The following PRELID2 variants were observed in gnomAD, a reference collection of about 807,000 sequenced individuals.
PRELID2 encodes PRELI domain-containing protein 2.
In PRELID2, 25 loss-of-function variants were observed where a neutral mutation model predicts 28.4. The ratio of observed to expected loss-of-function variants is 0.88; its 90% confidence interval spans 0.64 to 1.23. The LOEUF is 1.23. Ranked by LOEUF, PRELID2 falls within the 50% of genes most tolerant of loss-of-function variation. The pLI, the probability that PRELID2 is intolerant of heterozygous loss-of-function variation, is 0.00. For synonymous variants in PRELID2, 76 were observed against 71.6 expected, an observed-to-expected ratio of 1.06 and a Z score of -0.31; for missense variants, 201 against 214.4, an observed-to-expected ratio of 0.94 and a Z score of 0.39.
intron 1 of PRELID2, among the ~76,000 whole-genome samples, chr5:145,524,613 AAAGCTGATGTGTTTGAT>A (rs1292309317): frequency 6.6e-6 from 1 of 152,200 alleles, no homozygotes; most frequent in African/African-American, 2.4e-5. Flanking sequence ...TGGAAGCTCA[AAAGCTGATGTGTTTGAT>A]AAGCTGATGT....
In PRELID2 at chr5:145,819,969, G is replaced by T; in HGVS notation, c.183C>A (p.Asn61Lys). The change falls in exon 3 of 7, where the codon AAC becomes AAA. Residue 61 changes from asparagine (N) to lysine (K), a missense_variant. Coordinates refer to ENST00000683046, the MANE Select transcript of PRELID2 (RefSeq NM_205846.3). Reference sequence around the variant, plus strand: ...CCTTCCTTAAAATTTCTGGAACCACGTTCTGACAGATTGCAATCCTCTTTC... The same window carrying T: ...CCTTCCTTAAAATTTCTGGAACCACTTTCTGACAGATTGCAATCCTCTTTC... ...IYRKRIAICQ[N>K]VVPEILRKVS... 6.2e-7 allele frequency: 1 copy of T among 1,606,988 alleles called. No individual in the cohort carries two copies. The highest frequency in any genetic ancestry group is 1.7e-4 in the Middle Eastern group (1 of 6,040).
the PRELID2 span, among the ~76,000 whole-genome samples, chr5:145,350,405 T>C: frequency 3.9e-5 from 6 of 152,060 alleles, no homozygotes; most frequent in African/African-American, 1.4e-4. Flanking sequence ...GCTCCAAGTT[T>C]CAAAATCACA....
intron 1 of PRELID2, among the ~76,000 whole-genome samples, chr5:145,827,611 T>A (rs549469983): frequency 6.6e-6 from 1 of 152,166 alleles, no homozygotes; most frequent in African/African-American, 2.4e-5. Context: ...AATGACCCAA[T>A]AATCAGCAAC....
chr5:145,252,810 C>T, the PRELID2 span, among the ~76,000 whole-genome samples: 26 of 152,054 alleles, frequency 1.7e-4, no homozygotes, highest in Non-Finnish European at 3.4e-4. Flanking sequence ...CATGTGAACA[C>T]ACTTAATGCC....
chr5:145,713,314 T>C (rs936170029), intron 1 of PRELID2, among the ~76,000 whole-genome samples: 11 of 142,972 alleles, frequency 7.7e-5, no homozygotes, highest in African/African-American at 2.3e-4. Context: ...AAGGGGAACA[T>C]TGCATACAAG....
the PRELID2 span, among the ~76,000 whole-genome samples, chr5:145,438,145 T>C: frequency 1.3e-5 from 2 of 152,010 alleles, no homozygotes. Context: ...ATTCTGCCTA[T>C]CAGAAAAAAA....
the PRELID2 span, among the ~76,000 whole-genome samples, chr5:145,246,328 A>G: frequency 3.3e-5 from 5 of 152,132 alleles, no homozygotes; most frequent in Non-Finnish European, 5.9e-5. Context: ...ATACATTTTT[A>G]TTAAGTACCG....
At chr5:145,451,072 T>C in the PRELID2 span, 3 of 152,302 alleles carry the variant, frequency 2.0e-5, no homozygotes, top group African/African-American at 7.2e-5. Flanking sequence ...CTTATAATCA[T>C]TTCTTAATAT....
At chr5:145,768,606 G>A (rs1757917794) in intron 5 of PRELID2, among the ~76,000 whole-genome samples, 1 of 152,184 alleles carries the variant, frequency 6.6e-6, no homozygotes, top group Non-Finnish European at 1.5e-5. Flanking sequence ...TATTTACAGA[G>A]TAGAGCATAA....
intron 1 of PRELID2, among the ~76,000 whole-genome samples, chr5:145,506,614 G>A (rs1029568569): frequency 1.3e-5 from 2 of 152,116 alleles, no homozygotes; most frequent in African/African-American, 4.8e-5. Context: ...CTTCCCATTG[G>A]CCAAAACAAG....
At chr5:145,724,473 T>C (rs1030137200) in intron 1 of PRELID2, among the ~76,000 whole-genome samples, 13 of 151,044 alleles carry the variant, frequency 8.6e-5, no homozygotes, top group African/African-American at 3.1e-4. Context: ...TTGGCAAAAG[T>C]TGAACATAGA....
chr5:145,733,440 A>G (rs983492777), intron 1 of PRELID2, among the ~76,000 whole-genome samples: 2 of 152,204 alleles, frequency 1.3e-5, no homozygotes, highest in Admixed American at 1.3e-4. Context: ...GAGAAAGTGA[A>G]TAATTTTATC....
intron 5 of PRELID2, among the ~76,000 whole-genome samples, chr5:145,781,667 T>G (rs1192181903): frequency 1.4e-5 from 2 of 147,082 alleles, no homozygotes; most frequent in African/African-American, 2.5e-5. Context: ...ACACACTATA[T>G]ATATACACTT....
At chr5:145,375,279 A>G in the PRELID2 span, among the ~76,000 whole-genome samples, 1 of 151,966 alleles carries the variant, frequency 6.6e-6, no homozygotes, top group Non-Finnish European at 1.5e-5. Flanking sequence ...GGACCTCTTC[A>G]TCTGGTTTGT....
chr5:145,497,955 T>C (rs1204030129), intron 1 of PRELID2, among the ~76,000 whole-genome samples: 1 of 152,214 alleles, frequency 6.6e-6, no homozygotes, highest in African/African-American at 2.4e-5. Context: ...TTAGACCCTG[T>C]GCTCTTGTTT....
intron 4 of PRELID2, among the ~76,000 whole-genome samples, chr5:145,813,610 A>G (rs73794445): frequency 0.031 from 4,733 of 152,282 alleles, 261 homozygotes; most frequent in African/African-American, 0.11. Flanking sequence ...TGGCTTAGCA[A>G]TCTACTGACT....
In PRELID2 at chr5:145,481,650, A is replaced by AAAAAAAAAAAAAAAAAAAAAAAAAAAAG. The variant is rs1752162758; in HGVS notation, n.71-8336_71-8335insCTTTTTTTTTTTTTTTTTTTTTTTTTTT. ...AAAAAAAAAAAAAAAAAAAAAAAAA[A>AAAAAAAAAAAAAAAAAAAAAAAAAAAAG]AAAGAAAGAAAGAAAGAAAGAAAGA... On this transcript the variant is annotated intron_variant and non_coding_transcript_variant, in intron 1 of 2. Transcript: ENST00000510259. Among the ~76,000 whole-genome samples the AAAAAAAAAAAAAAAAAAAAAAAAAAAAG allele has an allele frequency of 2.5e-5, 3 of 117,848 alleles. No homozygotes were observed. In the East Asian group the frequency reaches 6.6e-4, roughly 26 times the overall value. 77.3% of individuals were successfully genotyped at this position (117,848 alleles called of 152,430 possible).
chr5:145,444,955 C>T, the PRELID2 span, among the ~76,000 whole-genome samples: 5 of 151,460 alleles, frequency 3.3e-5, no homozygotes, highest in East Asian at 9.7e-4. Flanking sequence ...ACCATATTAC[C>T]CAAGCAATAT....
At chr5:145,692,780 T>G (rs1755176306) in intron 1 of PRELID2, among the ~76,000 whole-genome samples, 1 of 152,214 alleles carries the variant, frequency 6.6e-6, no homozygotes, top group African/African-American at 2.4e-5. Context: ...TGGCTTCAAG[T>G]GCACTCCAGT....
Sources: allele counts gnomAD v4.1 joint callset (sites outside exome capture counted in the v4.1 genomes callset), GRCh38; gene constraint gnomAD v4.1.1; transcripts MANE v1.5; gene names NCBI Gene and HGNC (gene_info 2026-07-23, HGNC 2026-07-21).